The following CACNA1A variants were observed in gnomAD, a reference collection of about 807,000 sequenced individuals.
CACNA1A encodes calcium voltage-gated channel subunit alpha1 A, also known as voltage-dependent P/Q-type calcium channel subunit alpha-1A.
CACNA1A carries 57 observed loss-of-function variants against 262.4 expected under a neutral mutation model. The ratio of observed to expected loss-of-function variants is 0.22; its 90% CI spans 0.18 to 0.27. CACNA1A has a LOEUF of 0.27. CACNA1A is among the 10% of genes least tolerant of loss of function. CACNA1A has a pLI of 1.00. For synonymous variants in CACNA1A, 1,431 were observed against 1,419.3 expected (o/e 1.01, Z -0.18); for missense variants, 2,526 against 3,562.8 (o/e 0.71, Z 7.41).
At position 13,308,291 on chromosome 19, in the gene CACNA1A, G is replaced by A. The variant is rs759970681; in HGVS notation, c.1782-40C>T. On this transcript the variant is annotated intron_variant, in intron 13 of 46. Transcript: ENST00000360228. The surrounding 1 kb of genome is among the most constrained non-coding windows in gnomAD (Gnocchi z 4.2). ...CAGGCGAGGACTCAGGCCAGGCGGG[G>A]GAGGCAGGGCCCCGGAGTCAGCCCT... is the stretch of plus-strand genomic sequence containing the variant. 1 of 1,595,324 alleles carries A rather than the reference G, an allele frequency of 6.3e-7. No individual in the cohort carries two copies. Among genetic ancestry groups the A allele is most frequent in the African/African-American group, 1.3e-5 (1 of 74,362 alleles).
Position 13,253,073 on chromosome 19 carries a change from T to C in CACNA1A, c.4784A>G (p.Asn1595Ser). The stretch of plus-strand genomic sequence containing the variant: ...GACGATGTTGAACACCCGCAGGGCA[T>C]TTTCATAAGCAACAGAAGCCCCATA... ...KFYGASVAYE[N>S]ALRVFNIVFT... Residue 1595 changes from asparagine to serine, a missense_variant, in exon 30 of 47, where the codon AAT becomes AGT. Physicochemically the swap from Asn to Ser is conservative, Grantham distance 46 (BLOSUM62 1). Transcript: ENST00000360228. The C allele has an allele frequency of 6.2e-7, 1 of 1,613,230 alleles. No homozygotes were observed. The highest frequency in any genetic ancestry group is 1.1e-5 in the South Asian group (1 of 91,036).
At chr19:13,217,527 C>T (rs531057805) in intron 38 of CACNA1A, among the ~76,000 whole-genome samples, 14 of 152,138 alleles carry the variant, frequency 9.2e-5, no homozygotes, top group African/African-American at 1.7e-4. Context: ...TCCGTAACCC[C>T]GAGAGCCTGG....
intron 24 of CACNA1A, among the ~76,000 whole-genome samples, chr19:13,266,284 G>A (rs528327327): frequency 6.6e-6 from 1 of 151,896 alleles, no homozygotes; most frequent in African/African-American, 2.4e-5. Context: ...ATAGCTCACC[G>A]CAGCCTCCAA....
At chr19:13,250,491 C>A (rs575653193) in intron 30 of CACNA1A, among the ~76,000 whole-genome samples, 4 of 152,088 alleles carry the variant, frequency 2.6e-5, no homozygotes, top group South Asian at 2.1e-4. Context: ...CCGCCTCCCA[C>A]GTTCAAATGA....
intron 1 of CACNA1A, among the ~76,000 whole-genome samples, chr19:13,460,954 T>C (rs2061110762): frequency 1.3e-5 from 2 of 152,176 alleles, no homozygotes; most frequent in Admixed American, 6.5e-5. Context: ...GACTGCACAC[T>C]CTATGCACGT....
chr19:13,499,453 G>GT (rs1035550170), intron 1 of CACNA1A, among the ~76,000 whole-genome samples: 3 of 132,812 alleles, frequency 2.3e-5, no homozygotes, highest in Non-Finnish European at 4.8e-5. Flanking sequence ...GGGGTGGTGG[G>GT]GGGGGGCACT....
chr19:13,376,862 T>C (rs1255600018), intron 3 of CACNA1A, among the ~76,000 whole-genome samples: 3 of 144,634 alleles, frequency 2.1e-5, no homozygotes, highest in African/African-American at 5.1e-5. Flanking sequence ...ACATATGTTA[T>C]ATGTGATATA....
At chr19:13,499,488 C>G (rs1327186111) in intron 1 of CACNA1A, among the ~76,000 whole-genome samples, 1 of 150,224 alleles carries the variant, frequency 6.7e-6, no homozygotes, top group Non-Finnish European at 1.5e-5. Flanking sequence ...ACCCAGAAAG[C>G]CTCTTTTCTG....
chr19:13,488,121 G>C (rs750577164), intron 1 of CACNA1A, among the ~76,000 whole-genome samples: 15 of 152,100 alleles, frequency 9.9e-5, no homozygotes, highest in Admixed American at 5.2e-4. Context: ...ACTTCTCACA[G>C]CCCTGGGAGG....
chr19:13,376,640 T>A (rs909430442), intron 3 of CACNA1A, among the ~76,000 whole-genome samples: 13 of 147,872 alleles, frequency 8.8e-5, no homozygotes, highest in African/African-American at 3.2e-4. Flanking sequence ...ACATATGTTA[T>A]ATATGATACA....
intron 1 of CACNA1A, among the ~76,000 whole-genome samples, chr19:13,460,310 G>A (rs2061097396): frequency 6.6e-6 from 1 of 152,144 alleles, no homozygotes; most frequent in Non-Finnish European, 1.5e-5. Flanking sequence ...AGGAGCTCAG[G>A]TAATTGCGGT....
intron 1 of CACNA1A, among the ~76,000 whole-genome samples, chr19:13,498,813 T>G (rs1356902574): frequency 6.6e-6 from 1 of 152,176 alleles, no homozygotes; most frequent in Non-Finnish European, 1.5e-5. Context: ...CTCTCAGGTG[T>G]TAAGAACTCA....
rs137898723 is a variant in CACNA1A, at chr19:13,314,597, A to G, written c.1556-1816T>C. The stretch of plus-strand genomic sequence containing the variant: ...GGAAGCAGAGAGTAGCTTTCGCCAG[A>G]CAGGGAAACCTGCCAATGCCTTGAT... On this transcript the variant is annotated intron_variant, in intron 11 of 46. Coordinates refer to ENST00000360228, the MANE Select transcript of CACNA1A (RefSeq NM_001127222.2). Among the ~76,000 whole-genome samples, 915 of 152,290 alleles carry G rather than the reference A, an allele frequency of 6.0e-3. 13 individuals carry two copies. Among genetic ancestry groups the G allele is most frequent in the African/African-American group, 0.021 (868 of 41,572 alleles).
At chr19:13,254,510 G>A (rs547613419) in intron 29 of CACNA1A, among the ~76,000 whole-genome samples, 200 of 151,872 alleles carry the variant, frequency 1.3e-3, no homozygotes, top group African/African-American at 4.3e-3. Flanking sequence ...TTACAGATGC[G>A]CACCACCACG....
At chr19:13,460,913 T>G (rs764583172) in intron 1 of CACNA1A, among the ~76,000 whole-genome samples, 7 of 152,140 alleles carry the variant, frequency 4.6e-5, no homozygotes, top group Admixed American at 4.6e-4. Flanking sequence ...ATTTTTTTCC[T>G]TCTTTATCTT....
chr19:13,423,572 T>A (rs959430184), intron 3 of CACNA1A, among the ~76,000 whole-genome samples: 1 of 152,036 alleles, frequency 6.6e-6, no homozygotes, highest in Non-Finnish European at 1.5e-5. Flanking sequence ...AGTGCAGTGG[T>A]GCAATCTTGG....
At chr19:13,222,394 C>CTTT (rs71168689) in intron 38 of CACNA1A, among the ~76,000 whole-genome samples, 3 of 91,198 alleles carry the variant, frequency 3.3e-5, no homozygotes, top group Non-Finnish European at 6.3e-5. Context: ...GCCTTCTCGG[C>CTTT]TTTTTTTTTT....
At chr19:13,390,284 T>C (rs1366097880) in intron 3 of CACNA1A, among the ~76,000 whole-genome samples, 1 of 152,156 alleles carries the variant, frequency 6.6e-6, no homozygotes, top group Admixed American at 6.6e-5. Flanking sequence ...TGGCTAATTC[T>C]TAAAATGTTG....
At chr19:13,228,876 G>A (rs78385489) in intron 36 of CACNA1A, 2 of 696,776 alleles carry the variant, frequency 2.9e-6, no homozygotes, top group Non-Finnish European at 4.9e-6. Context: ...CATGATGCCC[G>A]AGGCTGGGGT....
Sources: gnomAD v4.1 joint callset for allele counts (sites outside exome capture counted in the v4.1 genomes callset) on GRCh38, gnomAD v4.1.1 for gene constraint, Gnocchi (gnomAD v3.1) non-coding constraint, MANE v1.5 for transcripts, NCBI Gene and HGNC (gene_info 2026-07-23, HGNC 2026-07-21) for gene names.